TXNRD1: variants seen among roughly 807,000 people sequenced by gnomAD.
The protein encoded by TXNRD1 is thioredoxin reductase 1, cytoplasmic.
In TXNRD1, 57 loss-of-function variants were observed where a neutral mutation model predicts 80.3. The ratio of observed to expected loss-of-function variants is 0.71; its 90% CI spans 0.57 to 0.89. The LOEUF is 0.89. TXNRD1 is among the 40% of genes least tolerant of loss of function. The pLI, the probability that TXNRD1 is intolerant of heterozygous loss-of-function variation, is 0.00. For missense variants in TXNRD1, 730 were observed against 803.0 expected, an observed-to-expected ratio of 0.91 and a Z score of 1.10; for synonymous variants, 291 against 285.2, an observed-to-expected ratio of 1.02 and a Z score of -0.20.
Position 104,215,839 on chromosome 12 carries a change from G to T in TXNRD1, c.37G>T (p.Ala13Ser). The stretch of plus-strand genomic sequence containing the variant: ...CGAGGGCAAGGCAGTGGCGGCGGCC[G>T]CCCCAACGGAGCTGCAGACGAAAGG... Reference protein sequence around the residue: ...CAEGKAVAAAAPTELQTKGKN... With the variant: ...CAEGKAVAAASPTELQTKGKN... The change falls in exon 1 of 17, where the codon GCC (alanine) becomes TCC (serine). Residue 13 changes from alanine to serine, a missense_variant. Transcript: ENST00000525566. The T allele has an allele frequency of 1.3e-6, 2 of 1,560,858 alleles. No homozygotes were observed. The highest frequency in any genetic ancestry group is 1.7e-6 in the Non-Finnish European group (2 of 1,153,798).
intron 4 of TXNRD1, among the ~76,000 whole-genome samples, chr12:104,297,383 T>C (rs1217613550): frequency 6.6e-6 from 1 of 152,066 alleles, no homozygotes; most frequent in Non-Finnish European, 1.5e-5. Context: ...TATTTAGTTT[T>C]TGAAATGGAG....
At chr12:104,273,625 C>A (rs2033699871) in intron 3 of TXNRD1, among the ~76,000 whole-genome samples, 2 of 151,692 alleles carry the variant, frequency 1.3e-5, no homozygotes, top group Non-Finnish European at 2.9e-5. Context: ...CAGAAAAAAA[C>A]AAGAATGCTC....
chr12:104,300,217 C>CT (rs371690510), intron 4 of TXNRD1, among the ~76,000 whole-genome samples: 92 of 152,114 alleles, frequency 6.0e-4, no homozygotes, highest in African/African-American at 2.1e-3. Flanking sequence ...ACCTAAACTC[C>CT]TAGAAAAGGA....
chr12:104,347,783 C>A (rs17035372), intron 16 of TXNRD1, among the ~76,000 whole-genome samples: 1 of 152,062 alleles, frequency 6.6e-6, no homozygotes, highest in African/African-American at 2.4e-5. Context: ...GTGATTGACT[C>A]GAACTCCATT....
At chr12:104,266,666 A>G (rs1385195313) in intron 3 of TXNRD1, among the ~76,000 whole-genome samples, 1 of 151,686 alleles carries the variant, frequency 6.6e-6, no homozygotes, top group East Asian at 1.9e-4. Context: ...CCCTGTCTCT[A>G]CTAAAAATAC....
At chr12:104,220,264 A>G (rs2032320874) in intron 1 of TXNRD1, among the ~76,000 whole-genome samples, 1 of 152,206 alleles carries the variant, frequency 6.6e-6, no homozygotes, top group South Asian at 2.1e-4. Flanking sequence ...ATCAGAAGTT[A>G]GTATTACACG....
At position 104,348,618 on chromosome 12, in the gene TXNRD1, T is replaced by C. The variant is rs1353902395; in HGVS notation, c.*197T>C. ...GCAGGCAGCATCACACTGGGGTCAC[T>C]GACAGACTTGAAGCTGACATTTGGC... On this transcript the variant is annotated 3_prime_UTR_variant, in exon 17 of 17. Coordinates refer to ENST00000525566, the MANE Select transcript of TXNRD1 (RefSeq NM_001093771.3). The C allele has an allele frequency of 3.5e-6, 2 of 563,684 alleles. No homozygotes were observed. Among genetic ancestry groups the C allele is most frequent in the East Asian group, 5.8e-5 (2 of 34,330 alleles). The allele number at this position is 563,684 out of a possible 1,614,324, so 34.9% of individuals were successfully genotyped here.
At chr12:104,327,451 A>C in intron 12 of TXNRD1, 64 bp from the exon 13 acceptor site, 1 of 1,506,400 alleles carries the variant, frequency 6.6e-7, no homozygotes, top group Non-Finnish European at 8.9e-7. Context: ...AAAAAACGGA[A>C]GATTTTGTTC....
In TXNRD1 at chr12:104,261,719, T is replaced by A. The variant is rs943931275; in HGVS notation, c.304+3640T>A. Among the ~76,000 whole-genome samples, 8 of 152,222 alleles carry A rather than the reference T, an allele frequency of 5.3e-5. No homozygotes were observed. In the East Asian group the frequency reaches 1.2e-3, roughly 22 times the overall value. On this transcript the variant is annotated intron_variant, in intron 3 of 16. Transcript: ENST00000525566. ...TTTATTAGGACCAATGCTAAAAAAA[T>A]TCAAAAAAATGTGAAACAATGCCAG... is the stretch of plus-strand genomic sequence containing the variant.
Position 104,350,187 on chromosome 12 carries a change from T to C in TXNRD1, c.*1766T>C, listed in dbSNP as rs2135909964. On this transcript the variant is annotated 3_prime_UTR_variant, in exon 17 of 17. Coordinates refer to ENST00000525566, the MANE Select transcript of TXNRD1 (RefSeq NM_001093771.3). ...GTTCAGATTCTGTATTTACCCATTT[T>C]ATTGAAACATATACTAAGTTCCATG... 6.6e-6 allele frequency: 1 copy of C among 152,328 alleles called. No homozygotes were observed. Among genetic ancestry groups the C allele is most frequent in the Middle Eastern group, 3.4e-3 (1 of 294 alleles). 9.4% of individuals were successfully genotyped at this position (152,328 alleles called of 1,614,324 possible).
chr12:104,266,275 C>G (rs917339741), intron 3 of TXNRD1, among the ~76,000 whole-genome samples: 1 of 152,136 alleles, frequency 6.6e-6, no homozygotes, highest in Admixed American at 6.5e-5. Context: ...CGCCTGTAAT[C>G]CCAGTACTTT....
At chr12:104,280,765 T>TA (rs2033860236) in intron 3 of TXNRD1, 1 of 152,144 alleles carries the variant, frequency 6.6e-6, no homozygotes, top group Non-Finnish European at 1.5e-5. Flanking sequence ...AGACCACCGT[T>TA]AGTCTCAAGA....
chr12:104,311,658 CTTTAAG>C lies in TXNRD1; in HGVS notation c.537+252_537+257del, dbSNP rs563808828. Among the ~76,000 whole-genome samples the C allele has an allele frequency of 5.5e-4, 84 of 152,242 alleles. No individual in the cohort carries two copies. In the South Asian group the frequency reaches 6.6e-3, roughly 12 times the overall value. On this transcript the variant is annotated intron_variant, in intron 5 of 16. Transcript: ENST00000525566. ...GTATTTTGGAACACGTTTCCGTTCACTTTAAGTTTAATTGATTTTTCAGAGATAATA... is the reference window on the plus strand; with the variant it reads ...GTATTTTGGAACACGTTTCCGTTCACTTTAATTGATTTTTCAGAGATAATA...
chr12:104,244,835 A>T (rs1214846205), intron 1 of TXNRD1, among the ~76,000 whole-genome samples: 1 of 152,244 alleles, frequency 6.6e-6, no homozygotes, highest in African/African-American at 2.4e-5. Context: ...AGGGAAAAGA[A>T]AGGGGTGTAG....
At chr12:104,293,776 G>A (rs939658720) in intron 4 of TXNRD1, among the ~76,000 whole-genome samples, 5 of 152,190 alleles carry the variant, frequency 3.3e-5, no homozygotes, top group East Asian at 3.9e-4. Context: ...GGGCCCGGGG[G>A]ACCGCTACCA....
intron 16 of TXNRD1, 75 bp downstream of exon 16, chr12:104,339,348 T>C (rs945654077): frequency 2.5e-5 from 39 of 1,588,250 alleles, no homozygotes; most frequent in Non-Finnish European, 3.3e-5. Context: ...AGCTTATACA[T>C]GGCAGATGTA....
At chr12:104,302,882 T>A (rs1284057701) in intron 4 of TXNRD1, among the ~76,000 whole-genome samples, 1 of 152,184 alleles carries the variant, frequency 6.6e-6, no homozygotes, top group Non-Finnish European at 1.5e-5. Flanking sequence ...GTGACCCCAT[T>A]AAATCCAATG....
At chr12:104,291,800 G>A (rs1055806518) in intron 4 of TXNRD1, among the ~76,000 whole-genome samples, 4 of 152,090 alleles carry the variant, frequency 2.6e-5, no homozygotes, top group Non-Finnish European at 5.9e-5. Context: ...GTTTTTTAAT[G>A]AGTGCTAAAA....
chr12:104,321,134 G>C lies in TXNRD1; in HGVS notation c.1033G>C (p.Val345Leu), dbSNP rs753914959. The part of the protein sequence containing the change: ...SLPYCPGKTL[V>L]VGASYVALEC... ...GCCTTACTGCCCGGGTAAGACCCTGGTTGTTGGAGCATCCTATGTCGCTTT... is the reference window on the plus strand; with the variant it reads ...GCCTTACTGCCCGGGTAAGACCCTGCTTGTTGGAGCATCCTATGTCGCTTT... The change falls in exon 10 of 17, where the codon GTT becomes CTT. Residue 345 changes from valine to leucine, a missense_variant. Transcript: ENST00000525566. 1 of 1,612,642 alleles carries C rather than the reference G, an allele frequency of 6.2e-7. No homozygotes were observed. The highest frequency in any genetic ancestry group is 8.5e-7 in the Non-Finnish European group (1 of 1,179,696).
Sources: allele counts gnomAD v4.1 joint callset (sites outside exome capture counted in the v4.1 genomes callset), GRCh38; gene constraint gnomAD v4.1.1; transcripts MANE v1.5; gene names NCBI Gene and HGNC (gene_info 2026-07-23, HGNC 2026-07-21).